The following BRD10 variants were observed in gnomAD, a reference collection of about 807,000 sequenced individuals.
The protein encoded by BRD10 is uncharacterized bromodomain-containing protein 10.
At chr9:5,998,662 A>T in the BRD10 span, among the ~76,000 whole-genome samples, 2 of 152,078 alleles carry the variant, frequency 1.3e-5, no homozygotes, top group South Asian at 4.1e-4. Flanking sequence ...CATATGAGAT[A>T]AAAAAGGGTT....
the BRD10 span, among the ~76,000 whole-genome samples, chr9:5,907,932 G>A: frequency 2.0e-5 from 3 of 152,170 alleles, no homozygotes; most frequent in African/African-American, 7.2e-5. Flanking sequence ...CAGCCTGGGA[G>A]ACAAGAGCAA....
At chr9:5,976,798 A>C in the BRD10 span, among the ~76,000 whole-genome samples, 3 of 151,998 alleles carry the variant, frequency 2.0e-5, no homozygotes, top group Non-Finnish European at 4.4e-5. Flanking sequence ...AAATCTGGGA[A>C]TCCTGAAGGC....
chr9:5,901,601 C>A, the BRD10 span, among the ~76,000 whole-genome samples: 4 of 152,102 alleles, frequency 2.6e-5, no homozygotes, highest in African/African-American at 9.7e-5. Context: ...TTACTGTAAC[C>A]TTCACCTCCC....
At chr9:5,952,678 G>A in the BRD10 span, among the ~76,000 whole-genome samples, 1 of 152,200 alleles carries the variant, frequency 6.6e-6, no homozygotes, top group African/African-American at 2.4e-5. Context: ...GATGGGTATA[G>A]AGGAAATATT....
the BRD10 span, chr9:5,920,839 T>C: frequency 4.3e-6 from 7 of 1,613,870 alleles, no homozygotes; most frequent in Middle Eastern, 1.6e-4. Flanking sequence ...GAACAGATGA[T>C]GCAAGGTGTC....
chr9:5,908,878 T>C, the BRD10 span: 1 of 589,462 alleles, frequency 1.7e-6, no homozygotes, highest in Non-Finnish European at 3.0e-6. Context: ...GTACTAATCA[T>C]GTGAGGAAAT....
chr9:5,925,283 C>A, the BRD10 span, among the ~76,000 whole-genome samples: 2 of 150,802 alleles, frequency 1.3e-5, no homozygotes, highest in Non-Finnish European at 2.9e-5. Flanking sequence ...TGCTTGAACC[C>A]AGGAGGTGGA....
the BRD10 span, among the ~76,000 whole-genome samples, chr9:5,914,311 ATC>A: frequency 2.0e-5 from 3 of 151,186 alleles, no homozygotes; most frequent in Admixed American, 6.6e-5. Flanking sequence ...TAATAATTTA[ATC>A]TCTTTTTATT....
chr9:5,995,747 T>C, the BRD10 span, among the ~76,000 whole-genome samples: 24 of 152,166 alleles, frequency 1.6e-4, no homozygotes, highest in South Asian at 8.3e-4. Context: ...TTTAGATAGA[T>C]AGGAAAGAGT....
chr9:5,943,713 C>A, the BRD10 span, among the ~76,000 whole-genome samples: 2 of 152,048 alleles, frequency 1.3e-5, no homozygotes, highest in African/African-American at 2.4e-5. Context: ...GAATCTAAAC[C>A]ATTTTTAATG....
the BRD10 span, among the ~76,000 whole-genome samples, chr9:5,990,264 A>G: frequency 1.3e-5 from 2 of 152,230 alleles, no homozygotes; most frequent in Non-Finnish European, 2.9e-5. Flanking sequence ...TTATTTTAGT[A>G]TAATATTTTT....
chr9:5,951,487 A>G, the BRD10 span, among the ~76,000 whole-genome samples: 1 of 152,192 alleles, frequency 6.6e-6, no homozygotes, highest in African/African-American at 2.4e-5. Flanking sequence ...CAGAAGCAAG[A>G]TATTTCAGAA....
At chr9:5,969,448 T>C in the BRD10 span, 1 of 1,461,944 alleles carries the variant, frequency 6.8e-7, no homozygotes. Context: ...TAAAGAAATT[T>C]AACAAATTAT....
the BRD10 span, chr9:5,968,216 T>C: frequency 4.3e-6 from 7 of 1,613,068 alleles, no homozygotes; most frequent in Middle Eastern, 1.7e-4. Flanking sequence ...GAGTTTCTTG[T>C]GGCTCTGTAG....
At chr9:5,945,172 C>T in the BRD10 span, among the ~76,000 whole-genome samples, 1 of 152,086 alleles carries the variant, frequency 6.6e-6, no homozygotes, top group East Asian at 1.9e-4. Context: ...GCTGAAATTT[C>T]AACATTGGTG....
the BRD10 span, chr9:5,919,486 T>A: frequency 1.9e-6 from 1 of 532,518 alleles, no homozygotes; most frequent in Non-Finnish European, 3.2e-6. Context: ...ATGGAACAGA[T>A]CTTTCCCTCC....
At chr9:5,923,388 G>T in the BRD10 span, 1 of 1,099,872 alleles carries the variant, frequency 9.1e-7, no homozygotes, top group Non-Finnish European at 1.3e-6. Context: ...AAAAAAGAAA[G>T]TCAATCTTTG....
chr9:5,919,790 GAGAGTGA>G, the BRD10 span: 1 of 1,613,812 alleles, frequency 6.2e-7, no homozygotes, highest in Non-Finnish European at 8.5e-7. Flanking sequence ...GAGAGATGGA[GAGAGTGA>G]AGAAACCTTA....
At chr9:5,950,878 A>G in the BRD10 span, among the ~76,000 whole-genome samples, 39 of 152,180 alleles carry the variant, frequency 2.6e-4, no homozygotes, top group African/African-American at 9.4e-4. Context: ...CTAATACAAT[A>G]TAGTTGTGAT....
Sources: gnomAD v4.1 joint callset for allele counts (sites outside exome capture counted in the v4.1 genomes callset) on GRCh38, gnomAD v4.1.1 for gene constraint, MANE v1.5 for transcripts, NCBI Gene and HGNC (gene_info 2026-07-23, HGNC 2026-07-21) for gene names.